Variants in ASPH observed in about 807,000 individuals in gnomAD.
The protein encoded by ASPH is aspartyl/asparaginyl beta-hydroxylase.
ASPH carries 100 observed loss-of-function variants against 118.4 expected under a neutral mutation model. The observed-to-expected ratio is 0.84, with a 90% CI of 0.72 to 1.00. The LOEUF (loss-of-function observed/expected upper bound fraction) is 1.00, where lower values mean the gene tolerates loss of function less well. Ranked by LOEUF, ASPH falls within the 50% of genes least tolerant of loss-of-function variation. ASPH has a pLI of 0.00. For synonymous variants in ASPH, 315 were observed against 325.6 expected (o/e 0.97, Z 0.35); for missense variants, 920 against 919.5 (o/e 1.00, Z -0.01).
At chr8:61,543,946 G>A (rs1822880751) in intron 21 of ASPH, among the ~76,000 whole-genome samples, 2 of 152,176 alleles carry the variant, frequency 1.3e-5, no homozygotes, top group South Asian at 4.1e-4. Context: ...CCTGGGAATA[G>A]AGCTTTTCTT....
At chr8:61,625,953 T>C in intron 13 of ASPH, 1 of 1,119,944 alleles carries the variant, frequency 8.9e-7, no homozygotes, top group Non-Finnish European at 1.1e-6. Flanking sequence ...TTAACCACTG[T>C]CGGAAAAACA....
intron 3 of ASPH, chr8:61,664,311 A>C: frequency 1.3e-5 from 13 of 972,676 alleles, no homozygotes; most frequent in Non-Finnish European, 1.6e-5. Flanking sequence ...AATGTATGCC[A>C]TTCAACCAAA....
intron 15 of ASPH, among the ~76,000 whole-genome samples, chr8:61,577,340 A>G (rs952387076): frequency 6.7e-6 from 1 of 148,298 alleles, no homozygotes; most frequent in Non-Finnish European, 1.5e-5. Flanking sequence ...AATAATAAAA[A>G]CATAAATAAA....
At chr8:61,626,697 TA>T (rs1302771815) in intron 13 of ASPH, among the ~76,000 whole-genome samples, 2 of 147,074 alleles carry the variant, frequency 1.4e-5, no homozygotes, top group African/African-American at 5.0e-5. Context: ...CTTTAAAAAT[TA>T]AAATAAATTT....
In ASPH at chr8:61,524,953, C is replaced by T. The variant is rs142176018; in HGVS notation, c.1900+1024G>A. Among the ~76,000 whole-genome samples the T allele has an allele frequency of 3.2e-3, 485 of 152,054 alleles. 5 individuals are homozygous for T. Among genetic ancestry groups the T allele is most frequent in the African/African-American group, 0.011 (460 of 41,468 alleles). ...TGTCAGAGGTAAATTAGCATATTGC[C>T]CAAATATGGATTGTATAGCTCCATT... On this transcript the variant is annotated intron_variant, in intron 22 of 24. Coordinates refer to ENST00000379454, the MANE Select transcript of ASPH (RefSeq NM_004318.4).
chr8:61,550,601 C>T (rs13267415), intron 20 of ASPH, among the ~76,000 whole-genome samples: 2 of 152,168 alleles, frequency 1.3e-5, no homozygotes, highest in Non-Finnish European at 1.5e-5. Flanking sequence ...TATGTTCTGC[C>T]TGGAGCCCAC....
At chr8:61,664,110 A>G (rs62505968) in intron 3 of ASPH, 133,528 of 970,434 alleles carry the variant, frequency 0.14, 9,446 homozygotes, top group African/African-American at 0.18. Flanking sequence ...TGCATTTCAC[A>G]GTAGTCACAA....
chr8:61,506,989 A>C (rs1182216443), intron 24 of ASPH, among the ~76,000 whole-genome samples: 1 of 152,202 alleles, frequency 6.6e-6, no homozygotes, highest in Non-Finnish European at 1.5e-5. Flanking sequence ...AAACTACTTA[A>C]AACACTAGAA....
At chr8:61,516,166 A>T (rs778089263) in intron 24 of ASPH, among the ~76,000 whole-genome samples, 1 of 152,190 alleles carries the variant, frequency 6.6e-6, no homozygotes, top group Non-Finnish European at 1.5e-5. Context: ...ACTGTTCCAG[A>T]ATACCCCTCT....
chr8:61,591,394 T>TAA (rs574740559), intron 14 of ASPH, among the ~76,000 whole-genome samples: 10 of 140,062 alleles, frequency 7.1e-5, no homozygotes, highest in South Asian at 2.3e-4. Context: ...AGAGGAAGAT[T>TAA]AAAAAAAAAA....
At chr8:61,623,344 GTCT>G (rs1851626885) in intron 13 of ASPH, among the ~76,000 whole-genome samples, 1 of 152,262 alleles carries the variant, frequency 6.6e-6, no homozygotes, top group Middle Eastern at 3.4e-3. Context: ...CCATTTTTAT[GTCT>G]TCTTTTGAGA....
intron 22 of ASPH, among the ~76,000 whole-genome samples, chr8:61,523,321 T>C (rs977166693): frequency 9.2e-6 from 1 of 109,148 alleles, no homozygotes; most frequent in Admixed American, 9.1e-5. Context: ...TCTTTCTTTC[T>C]TTTTTTTTTT....
At chr8:61,615,649 C>T (rs1028788821) in intron 14 of ASPH, among the ~76,000 whole-genome samples, 2 of 152,190 alleles carry the variant, frequency 1.3e-5, no homozygotes, top group African/African-American at 4.8e-5. Flanking sequence ...TTGTAGTTCA[C>T]ACATTTTGTG....
chr8:61,594,225 A>G (rs1196925576), intron 14 of ASPH, among the ~76,000 whole-genome samples: 1 of 152,124 alleles, frequency 6.6e-6, no homozygotes, highest in African/African-American at 2.4e-5. Flanking sequence ...ATGTTAAATT[A>G]TTTGCACAAC....
chr8:61,662,479 A>G (rs1275442883), intron 3 of ASPH, among the ~76,000 whole-genome samples: 1 of 152,160 alleles, frequency 6.6e-6, no homozygotes, highest in Non-Finnish European at 1.5e-5. Flanking sequence ...TACTTAGAAA[A>G]CAATATGAAG....
intron 8 of ASPH, 43 bp downstream of exon 8, chr8:61,643,902 C>A (rs1180924741): frequency 3.9e-6 from 6 of 1,537,702 alleles, no homozygotes; most frequent in Non-Finnish European, 4.5e-6. Context: ...TGGCCACTGC[C>A]TCAATCAGAA....
chr8:61,688,480 T>C lies in ASPH; in HGVS notation c.104-4292A>G, dbSNP rs933085536. 5.7e-4 allele frequency among the ~76,000 whole-genome samples: 87 copies of C among 152,054 alleles called. 2 individuals are homozygous for C. Among genetic ancestry groups the C allele is most frequent in the Admixed American group, 2.0e-4 (3 of 15,252 alleles). ...GCAATGTGTAGTTTTATTTATTTGG[T>C]TGAGGAAAGGGAGACAAGAAGATGA... is the stretch of plus-strand genomic sequence containing the variant. On this transcript the variant is annotated intron_variant, in intron 1 of 24. Transcript: ENST00000379454.
At chr8:61,665,878 T>G (rs1347533709) in intron 3 of ASPH, among the ~76,000 whole-genome samples, 1 of 152,138 alleles carries the variant, frequency 6.6e-6, no homozygotes, top group African/African-American at 2.4e-5. Flanking sequence ...CATGCAATAT[T>G]ATAAAATTGA....
At chr8:61,575,822 C>T (rs1406778536) in intron 16 of ASPH, among the ~76,000 whole-genome samples, 2 of 152,152 alleles carry the variant, frequency 1.3e-5, no homozygotes, top group Non-Finnish European at 2.9e-5. Context: ...AATCCAGAGC[C>T]ACGCCTCCTC....
Sources: allele counts gnomAD v4.1 joint callset (sites outside exome capture counted in the v4.1 genomes callset), GRCh38; gene constraint gnomAD v4.1.1; transcripts MANE v1.5; gene names NCBI Gene and HGNC (gene_info 2026-07-23, HGNC 2026-07-21).